Variants in GPR137C observed in about 807,000 individuals in gnomAD.
GPR137C encodes integral membrane protein GPR137C.
A neutral mutation model predicts 43.4 loss-of-function variants in GPR137C; 27 were observed. The observed-to-expected ratio is 0.62, with a 90% CI of 0.46 to 0.86. GPR137C has a LOEUF of 0.86. Ranked by LOEUF, GPR137C falls within the 40% of genes least tolerant of loss-of-function variation. The probability of loss-of-function intolerance (pLI) is 0.00; values close to 1 mark genes in which losing one functional copy is unlikely to be tolerated. For missense variants in GPR137C, 522 were observed against 534.6 expected, an observed-to-expected ratio of 0.98 and a Z score of 0.23; for synonymous variants, 285 against 226.9, an observed-to-expected ratio of 1.26 and a Z score of -2.30.
chr14:52,594,159 C>T (rs1455460325), intron 1 of GPR137C, among the ~76,000 whole-genome samples: 1 of 150,956 alleles, frequency 6.6e-6, no homozygotes, highest in Non-Finnish European at 1.5e-5. Context: ...TTTCTTAATC[C>T]TGAGATTGAT....
chr14:52,556,312 T>G (rs1248704175), intron 1 of GPR137C, among the ~76,000 whole-genome samples: 1 of 152,060 alleles, frequency 6.6e-6, no homozygotes, highest in African/African-American at 2.4e-5. Flanking sequence ...AAACAAACTC[T>G]ACTACTTTGA....
At chr14:52,596,543 C>G (rs1292707976) in intron 1 of GPR137C, among the ~76,000 whole-genome samples, 2 of 152,232 alleles carry the variant, frequency 1.3e-5, no homozygotes, top group East Asian at 3.8e-4. Flanking sequence ...ATGCCCCTCC[C>G]CCTGCTGGGC....
At chr14:52,600,712 AAAG>A (rs1464063153) in intron 3 of GPR137C, among the ~76,000 whole-genome samples, 1 of 152,216 alleles carries the variant, frequency 6.6e-6, no homozygotes, top group Non-Finnish European at 1.5e-5. Context: ...GGTTTAAAGA[AAAG>A]AAGAAAGAAT....
At chr14:52,599,669 A>G (rs1345233464) in intron 2 of GPR137C, among the ~76,000 whole-genome samples, 2 of 152,108 alleles carry the variant, frequency 1.3e-5, no homozygotes, top group Admixed American at 1.3e-4. Context: ...CCTGGCCTCA[A>G]GTGATCTGCC....
At chr14:52,610,823 C>T (rs1417842605) in intron 3 of GPR137C, among the ~76,000 whole-genome samples, 1 of 152,166 alleles carries the variant, frequency 6.6e-6, no homozygotes, top group Non-Finnish European at 1.5e-5. Flanking sequence ...AATAAACATG[C>T]CCAAGTTCAC....
intron 1 of GPR137C, among the ~76,000 whole-genome samples, chr14:52,595,610 G>T (rs370713476): frequency 6.6e-6 from 1 of 151,620 alleles, no homozygotes; most frequent in Non-Finnish European, 1.5e-5. Flanking sequence ...TGATTGAATC[G>T]GCTATTGAAG....
At position 52,595,551 on chromosome 14, in the gene GPR137C, G is replaced by A. The variant is rs150717864; in HGVS notation, c.445-2721G>A. Among the ~76,000 whole-genome samples, 98 of 151,700 alleles carry A rather than the reference G, an allele frequency of 6.5e-4. 1 individual carries two copies. In the East Asian group the frequency reaches 6.8e-3, roughly 11 times the overall value. Reference sequence around the variant, plus strand: ...CTTTTTTCTCTAATCTTGTCTCCTCGCTCTGTTTTATTAATTTATCTTGAA... The same window carrying A: ...CTTTTTTCTCTAATCTTGTCTCCTCACTCTGTTTTATTAATTTATCTTGAA... On this transcript the variant is annotated intron_variant, in intron 1 of 6. Coordinates refer to ENST00000321662, the MANE Select transcript of GPR137C (RefSeq NM_001099652.2).
intron 3 of GPR137C, among the ~76,000 whole-genome samples, chr14:52,629,901 C>T (rs149977611): frequency 1.2e-3 from 183 of 152,254 alleles, no homozygotes; most frequent in African/African-American, 4.3e-3. Context: ...CTCTTTTTCA[C>T]TTATCAAGTG....
chr14:52,632,098 A>C, intron 3 of GPR137C, 62 bp from the exon 4 acceptor site: 4 of 1,163,566 alleles, frequency 3.4e-6, no homozygotes, highest in Admixed American at 1.9e-5. Flanking sequence ...TTGTATGTAC[A>C]TGAATAGCTT....
chr14:52,602,020 A>C (rs1296810520), intron 3 of GPR137C, among the ~76,000 whole-genome samples: 1 of 151,322 alleles, frequency 6.6e-6, no homozygotes, highest in African/African-American at 2.4e-5. Context: ...ATTCGGAATT[A>C]TCTAGGAATA....
intron 1 of GPR137C, among the ~76,000 whole-genome samples, chr14:52,577,186 A>G (rs1392418943): frequency 2.8e-5 from 2 of 71,384 alleles, no homozygotes; most frequent in African/African-American, 1.0e-4. Context: ...GACTCCTCAA[A>G]AAAAAAAAAA....
rs77651656 is a variant in GPR137C, at chr14:52,588,946, G to A, written c.445-9326G>A. Among the ~76,000 whole-genome samples the A allele has an allele frequency of 4.8e-3, 728 of 152,168 alleles. 14 individuals are homozygous for A. The highest frequency in any genetic ancestry group is 0.039 in the Admixed American group (593 of 15,276). On this transcript the variant is annotated intron_variant, in intron 1 of 6. Coordinates refer to ENST00000321662, the MANE Select transcript of GPR137C (RefSeq NM_001099652.2). ...TATATAGAACATTGATGTTCATAGC[G>A]GCAGCATTCACAATAGCCAAAAGGT...
Position 52,598,289 on chromosome 14 carries a change from A to G in GPR137C, c.462A>G (p.Arg154=). The change falls in exon 2 of 7, where the codon AGA becomes AGG. Residue 154 remains arginine (R), a synonymous_variant. Transcript: ENST00000321662. ...LYLAEVICKV[R]CATELDRHKI... ...CTTTATAGGTTATATGTAAAGTCAG[A>G]TGTGCCACTGAACTTGACAGACACA... The G allele has an allele frequency of 7.2e-7, 1 of 1,397,786 alleles. No individual in the cohort carries two copies. The highest frequency in any genetic ancestry group is 9.8e-7 in the Non-Finnish European group (1 of 1,025,622). The allele number at this position is 1,397,786 out of a possible 1,614,324, so 86.6% of individuals were successfully genotyped here.
intron 1 of GPR137C, among the ~76,000 whole-genome samples, chr14:52,576,897 C>G (rs1021062643): frequency 1.3e-5 from 2 of 152,076 alleles, no homozygotes; most frequent in African/African-American, 4.8e-5. Context: ...ACTCTCAATA[C>G]TATGTAAATA....
intron 3 of GPR137C, among the ~76,000 whole-genome samples, chr14:52,601,277 T>G (rs186666794): frequency 1.3e-5 from 2 of 152,290 alleles, no homozygotes; most frequent in Non-Finnish European, 2.9e-5. Context: ...TATTCACTAA[T>G]AATAAGTTGA....
At chr14:52,622,331 C>T (rs780512738) in intron 3 of GPR137C, among the ~76,000 whole-genome samples, 5 of 151,942 alleles carry the variant, frequency 3.3e-5, no homozygotes, top group Non-Finnish European at 4.4e-5. Context: ...TAACATCGCG[C>T]ATTAATCATT....
intron 1 of GPR137C, among the ~76,000 whole-genome samples, chr14:52,597,152 C>G (rs2139520350): frequency 6.6e-6 from 1 of 152,270 alleles, no homozygotes; most frequent in South Asian, 2.1e-4. Flanking sequence ...GAGAAGTCCT[C>G]CCTGACGCTC....
At chr14:52,571,906 A>G (rs2038476700) in intron 1 of GPR137C, among the ~76,000 whole-genome samples, 1 of 152,190 alleles carries the variant, frequency 6.6e-6, no homozygotes, top group Admixed American at 6.5e-5. Context: ...AAGAAATAAT[A>G]AAGGGGATAT....
At chr14:52,612,266 A>G in intron 3 of GPR137C, 1 of 959,120 alleles carries the variant, frequency 1.0e-6, no homozygotes, top group Non-Finnish European at 1.2e-6. Context: ...ATATAATTTT[A>G]TACCCTGCTT....
Sources: allele counts gnomAD v4.1 joint callset (sites outside exome capture counted in the v4.1 genomes callset), GRCh38; gene constraint gnomAD v4.1.1; transcripts MANE v1.5; gene names NCBI Gene and HGNC (gene_info 2026-07-23, HGNC 2026-07-21).